Variants in CFHR3 observed in about 807,000 individuals in gnomAD.
CFHR3 encodes the protein complement factor H-related protein 3.
Under a neutral mutation model 36.0 loss-of-function variants are expected in CFHR3, and 22 were observed. The ratio of observed to expected loss-of-function variants is 0.61; its 90% confidence interval spans 0.44 to 0.87. The LOEUF (loss-of-function observed/expected upper bound fraction) is 0.87. Ranked by LOEUF, CFHR3 falls within the 40% of genes least tolerant of loss-of-function variation. The pLI, the probability that CFHR3 is intolerant of heterozygous loss-of-function variation, is 0.00. For synonymous variants in CFHR3, 97 were observed against 137.4 expected (o/e 0.71, Z 2.06); for missense variants, 276 against 401.3 (o/e 0.69, Z 2.67).
rs1429053292 is a variant in CFHR3, at chr1:196,782,693, G to A, written c.430+2720G>A. Among the ~76,000 whole-genome samples, 2 of 136,874 alleles carry A rather than the reference G, an allele frequency of 1.5e-5. 1 individual carries two copies. Among genetic ancestry groups the A allele is most frequent in the Non-Finnish European group, 3.1e-5 (2 of 64,574 alleles). The allele number at this position is 136,874 out of a possible 152,430, so 89.8% of individuals were successfully genotyped here. On this transcript the variant is annotated intron_variant, in intron 3 of 5. Coordinates refer to ENST00000367425, the MANE Select transcript of CFHR3 (RefSeq NM_021023.6). Reference sequence around the variant, plus strand: ...TGCTGAAGTTGCTAATCAGCTTTAGGAGATTTTGGGCTGAGACAATGGGGT... The same window carrying A: ...TGCTGAAGTTGCTAATCAGCTTTAGAAGATTTTGGGCTGAGACAATGGGGT...
At position 196,793,778 on chromosome 1, in the gene CFHR3, G is replaced by A. The variant is rs391503; in HGVS notation, c.*265G>A. 5 of 307,962 alleles carry A rather than the reference G, an allele frequency of 1.6e-5. No homozygotes were observed. Among genetic ancestry groups the A allele is most frequent in the Non-Finnish European group, 2.9e-5 (5 of 170,042 alleles). The allele number at this position is 307,962 out of a possible 1,614,324, so 19.1% of individuals were successfully genotyped here. ...TTATCAATGAATTAGTAAGTATAGA[G>A]ACAGACAGCTGAATGGCTTTCTGCA... On this transcript the variant is annotated 3_prime_UTR_variant, in exon 6 of 6. Transcript: ENST00000367425.
chr1:196,780,922 G>C (rs1272356987), intron 3 of CFHR3, among the ~76,000 whole-genome samples: 1 of 127,580 alleles, frequency 7.8e-6, no homozygotes, highest in Non-Finnish European at 1.6e-5. Context: ...TTTAGCATTA[G>C]GTATATCTCC....
At chr1:196,782,188 C>T (rs1653982487) in intron 3 of CFHR3, among the ~76,000 whole-genome samples, 1 of 137,068 alleles carries the variant, frequency 7.3e-6, no homozygotes, top group African/African-American at 3.1e-5. Flanking sequence ...CAGTACCATG[C>T]TGTTTTGGTT....
Position 196,788,304 on chromosome 1 carries a change from T to C in CFHR3, c.519T>C (p.Tyr173=). ...ATATTTTAAATAAAGAAATACAATA[T>C]AAATGTAAACCAGGATATGCAACAG... is the stretch of plus-strand genomic sequence containing the variant. The part of the protein sequence containing the change: ...SIYILNKEIQ[Y]KCKPGYATAD... Residue 173 remains tyrosine (Y), a synonymous_variant, in exon 4 of 6, where the codon TAT becomes TAC. Coordinates refer to ENST00000367425, the MANE Select transcript of CFHR3 (RefSeq NM_021023.6). 6.6e-7 allele frequency: 1 copy of C among 1,514,650 alleles called. No homozygotes were observed. 93.8% of individuals were successfully genotyped at this position (1,514,650 alleles called of 1,614,324 possible). A position where few individuals can be genotyped will look rare whatever the true frequency, so the allele number is the denominator to read the frequency against.
intron 1 of CFHR3, among the ~76,000 whole-genome samples, chr1:196,776,554 T>TA (rs1653728563): frequency 7.3e-6 from 1 of 136,080 alleles, no homozygotes. Context: ...CTGGTGTCCA[T>TA]ATAAGAAGAG....
At chr1:196,788,887 A>T in intron 4 of CFHR3, 2 of 1,432,112 alleles carry the variant, frequency 1.4e-6, no homozygotes, top group Non-Finnish European at 1.8e-6. Context: ...AGGATATCCA[A>T]TCAAAAAATT....
At position 196,788,397 on chromosome 1, in the gene CFHR3, T is replaced by A. The variant is rs780229985; in HGVS notation, c.612T>A (p.Ile204=). ...GATGGTCAGCACAACCAATTTGCAT[T>A]AGTAAGTGATTTACATATTCCCATT... ...QNGWSAQPIC[I]NSSEKCGPPP... is the part of the protein sequence containing the mutation. The change falls in exon 4 of 6, where the codon ATT becomes ATA. Residue 204 remains isoleucine, a splice_region_variant and synonymous_variant. Coordinates refer to ENST00000367425, the MANE Select transcript of CFHR3 (RefSeq NM_021023.6). 1 of 1,528,546 alleles carries A rather than the reference T, an allele frequency of 6.5e-7. No individual in the cohort carries two copies. The highest frequency in any genetic ancestry group is 1.3e-5 in the South Asian group (1 of 79,330). The allele number at this position is 1,528,546 out of a possible 1,614,324, so 94.7% of individuals were successfully genotyped here.
chr1:196,780,309 C>A (rs1377881768), intron 3 of CFHR3, among the ~76,000 whole-genome samples: 1 of 137,020 alleles, frequency 7.3e-6, no homozygotes, highest in Non-Finnish European at 1.5e-5. Context: ...AGATTAAGTA[C>A]AAATGGGTAT....
At position 196,787,272 on chromosome 1, in the gene CFHR3, G is replaced by A. The variant is rs1248653647; in HGVS notation, c.431-944G>A. On this transcript the variant is annotated intron_variant, in intron 3 of 5. Coordinates refer to ENST00000367425, the MANE Select transcript of CFHR3 (RefSeq NM_021023.6). ...TAATCCACCTAATAAATATTGTTGT[G>A]TGTCAAGCACTTTGTAGGTATTGAA... Among the ~76,000 whole-genome samples, 64 of 137,054 alleles carry A rather than the reference G, an allele frequency of 4.7e-4. 16 individuals are homozygous for A. The highest frequency in any genetic ancestry group is 1.8e-3 in the African/African-American group (59 of 32,832). The allele number at this position is 137,054 out of a possible 152,430, so 89.9% of individuals were successfully genotyped here. A position where few individuals can be genotyped will look rare whatever the true frequency, so the allele number is the denominator to read the frequency against.
At chr1:196,792,244 T>C (rs1359943697) in intron 5 of CFHR3, among the ~76,000 whole-genome samples, 1 of 104,248 alleles carries the variant, frequency 9.6e-6, no homozygotes, top group Non-Finnish European at 1.9e-5. Context: ...TTTATTTAAG[T>C]AAGTACTTGA....
chr1:196,793,380 A>T lies in CFHR3; in HGVS notation c.860A>T (p.Asp287Val). The change falls in exon 6 of 6, where the codon GAC (aspartate) becomes GTC (valine). Residue 287 changes from aspartate (D) to valine (V), a missense_variant. Coordinates refer to ENST00000367425, the MANE Select transcript of CFHR3 (RefSeq NM_021023.6). ...AACATAAAGTTAAAAGGAAGAAGTGACAGAAAATATTATGCAAAAACAGGG... is the reference window on the plus strand; with the variant it reads ...AACATAAAGTTAAAAGGAAGAAGTGTCAGAAAATATTATGCAAAAACAGGG... ...KNNIKLKGRSDRKYYAKTGDT... is the reference protein window; with the variant it reads ...KNNIKLKGRSVRKYYAKTGDT... The T allele has an allele frequency of 2.0e-6, 3 of 1,525,660 alleles. 1 individual carries two copies. The highest frequency in any genetic ancestry group is 2.7e-6 in the Non-Finnish European group (3 of 1,127,898). 94.5% of individuals were successfully genotyped at this position (1,525,660 alleles called of 1,614,324 possible).
At chr1:196,789,387 T>A (rs1270979359) in intron 4 of CFHR3, 2 of 896,408 alleles carry the variant, frequency 2.2e-6, no homozygotes, top group Admixed American at 1.2e-4. Flanking sequence ...TCTAGAATAC[T>A]GTTTTCAATT....
rs1302981254 is a variant in CFHR3 at position 196,786,542 on chromosome 1, G to T, written c.431-1674G>T. 2.2e-5 allele frequency among the ~76,000 whole-genome samples: 3 copies of T among 135,948 alleles called. 1 individual carries two copies. Among genetic ancestry groups the T allele is most frequent in the African/African-American group, 9.3e-5 (3 of 32,240 alleles). 89.2% of individuals were successfully genotyped at this position (135,948 alleles called of 152,430 possible). On this transcript the variant is annotated intron_variant, in intron 3 of 5. Transcript: ENST00000367425. Reference sequence around the variant, plus strand: ...CCTCCCCCAGCCTCGCTGCCGCCTTGCAGTTTGATCTCAGACTGCTATGCT... The same window carrying T: ...CCTCCCCCAGCCTCGCTGCCGCCTTTCAGTTTGATCTCAGACTGCTATGCT...
rs391503 is a variant in CFHR3 at position 196,793,778 on chromosome 1, G to C, written c.*265G>C. 0.029 allele frequency: 8,926 copies of C among 308,050 alleles called. 2,580 individuals are homozygous for C. Among genetic ancestry groups the C allele is most frequent in the African/African-American group, 0.22 (7,879 of 36,208 alleles). 19.1% of individuals were successfully genotyped at this position (308,050 alleles called of 1,614,324 possible). The stretch of plus-strand genomic sequence containing the variant: ...TTATCAATGAATTAGTAAGTATAGA[G>C]ACAGACAGCTGAATGGCTTTCTGCA... On this transcript the variant is annotated 3_prime_UTR_variant, in exon 6 of 6. Transcript: ENST00000367425.
At chr1:196,779,738 T>A in intron 2 of CFHR3, 59 bp from the exon 3 acceptor site, 1 of 1,436,214 alleles carries the variant, frequency 7.0e-7, no homozygotes, top group East Asian at 2.5e-5. Context: ...TTAATATACT[T>A]TTTGTGCAAA....
Position 196,779,405 on chromosome 1 carries a change from A to T in CFHR3, c.253+49A>T. 3.1e-6 allele frequency: 4 copies of T among 1,286,082 alleles called. 1 individual carries two copies. The highest frequency in any genetic ancestry group is 4.4e-6 in the Non-Finnish European group (4 of 911,428). 79.7% of individuals were successfully genotyped at this position (1,286,082 alleles called of 1,614,324 possible). A position where few individuals can be genotyped will look rare whatever the true frequency, so the allele number is the denominator to read the frequency against. On this transcript the variant is annotated intron_variant, in intron 2 of 5. Coordinates refer to ENST00000367425, the MANE Select transcript of CFHR3 (RefSeq NM_021023.6). ...CACATGTATAAAACTTTAAAAGATT[A>T]AAGAGAGGAGAGCACATAATTGATT...
intron 3 of CFHR3, among the ~76,000 whole-genome samples, chr1:196,787,992 G>C (rs1357176840): frequency 1.5e-5 from 2 of 137,074 alleles, no homozygotes. Context: ...CAGTCTCAAG[G>C]ATTCTTTGCT....
intron 4 of CFHR3, chr1:196,788,695 C>T: frequency 6.9e-7 from 1 of 1,454,066 alleles, no homozygotes; most frequent in Non-Finnish European, 9.1e-7. Flanking sequence ...ATGTTAGTTG[C>T]CAATAAAAAC....
At position 196,779,398 on chromosome 1, in the gene CFHR3, A is replaced by G. The variant is rs775018092; in HGVS notation, c.253+42A>G. 247 of 1,310,964 alleles carry G rather than the reference A, an allele frequency of 1.9e-4. 31 individuals carry two copies. Among genetic ancestry groups the G allele is most frequent in the Non-Finnish European group, 2.4e-4 (221 of 933,860 alleles). 81.2% of individuals were successfully genotyped at this position (1,310,964 alleles called of 1,614,324 possible). On this transcript the variant is annotated intron_variant, in intron 2 of 5. Coordinates refer to ENST00000367425, the MANE Select transcript of CFHR3 (RefSeq NM_021023.6). ...ACTGCTACACATGTATAAAACTTTA[A>G]AAGATTAAAGAGAGGAGAGCACATA...
Sources: allele counts gnomAD v4.1 joint callset (sites outside exome capture counted in the v4.1 genomes callset), GRCh38; gene constraint gnomAD v4.1.1; transcripts MANE v1.5; gene names NCBI Gene and HGNC (gene_info 2026-07-23, HGNC 2026-07-21).